LRBA: variants seen among roughly 807,000 people sequenced by gnomAD.
LRBA encodes the protein lipopolysaccharide-responsive and beige-like anchor protein.
In LRBA, 176 loss-of-function variants were observed where a neutral mutation model predicts 330.0. The observed-to-expected ratio is 0.53, with a 90% confidence interval of 0.47 to 0.60. The LOEUF (loss-of-function observed/expected upper bound fraction) is 0.60. Among genes scored for constraint, LRBA ranks in the 20% least tolerant of loss-of-function variants. The pLI is 0.00. For synonymous variants in LRBA, 1,230 were observed against 1,193.0 expected, an observed-to-expected ratio of 1.03 and a Z score of -0.64; for missense variants, 3,259 against 3,444.8, an observed-to-expected ratio of 0.95 and a Z score of 1.35.
intron 17 of LRBA, among the ~76,000 whole-genome samples, chr4:150,876,359 G>A (rs976059268): frequency 6.6e-6 from 1 of 152,044 alleles, no homozygotes; most frequent in African/African-American, 2.4e-5. Flanking sequence ...AAGAAATCTA[G>A]AGAACATCAC....
At chr4:150,956,993 A>G (rs1737612686) in intron 2 of LRBA, among the ~76,000 whole-genome samples, 1 of 148,942 alleles carries the variant, frequency 6.7e-6, no homozygotes, top group Non-Finnish European at 1.5e-5. Context: ...ACACTCACAC[A>G]TAAATATGTA....
At chr4:150,865,717 CTTT>C (rs779221199) in intron 22 of LRBA, among the ~76,000 whole-genome samples, 8 of 134,524 alleles carry the variant, frequency 5.9e-5, no homozygotes, top group Admixed American at 1.5e-4. Flanking sequence ...GCAATATATT[CTTT>C]TTTTTTTTTT....
At chr4:150,359,450 C>T (rs1738355782) in intron 47 of LRBA, among the ~76,000 whole-genome samples, 1 of 152,068 alleles carries the variant, frequency 6.6e-6, no homozygotes, top group East Asian at 1.9e-4. Context: ...ATTTAAGATA[C>T]AAGTTATTAC....
intron 34 of LRBA, among the ~76,000 whole-genome samples, chr4:150,765,798 A>G (rs1395404678): frequency 2.0e-5 from 3 of 152,128 alleles, no homozygotes; most frequent in African/African-American, 4.8e-5. Context: ...CATTATATAC[A>G]GAAACTTTTA....
At position 150,906,305 on chromosome 4, in the gene LRBA, G is replaced by A; in HGVS notation, c.1594C>T (p.Leu532Phe). ...CKGFLVIGYS[L>F]EKSSKSHVSR... is the part of the protein sequence containing the mutation. Reference sequence around the variant, plus strand: ...AATATTTCATACTTTACCTTTTCAAGGCTATATCCTATTACCAAGAAGCCC... The same window carrying A: ...AATATTTCATACTTTACCTTTTCAAAGCTATATCCTATTACCAAGAAGCCC... The change falls in exon 12 of 57, where the codon CTT (leucine) becomes TTT (phenylalanine). Residue 532 changes from leucine to phenylalanine, a missense_variant. Physicochemically the swap from Leu to Phe is conservative, Grantham distance 22 (BLOSUM62 0). Transcript: ENST00000651943. The A allele has an allele frequency of 6.3e-7, 1 of 1,579,956 alleles. No homozygotes were observed. Among genetic ancestry groups the A allele is most frequent in the Non-Finnish European group, 8.7e-7 (1 of 1,151,184 alleles).
At chr4:151,000,453 GCCAACA>G (rs1743204238) in intron 2 of LRBA, among the ~76,000 whole-genome samples, 4 of 152,130 alleles carry the variant, frequency 2.6e-5, no homozygotes, top group African/African-American at 9.6e-5. Context: ...CATCCAAATT[GCCAACA>G]TCACTACTCT....
rs565942342 is a variant in LRBA, at chr4:150,563,356, C to T, written c.6330+24692G>A. On this transcript the variant is annotated intron_variant, in intron 40 of 56. Coordinates refer to ENST00000651943, the MANE Select transcript of LRBA (RefSeq NM_001364905.1). ...GGCCTTCGATAAAATTCAAACATCC[C>T]TTCATGTTAAAAACTCTCAATAAAC... 5.3e-5 allele frequency among the ~76,000 whole-genome samples: 8 copies of T among 152,222 alleles called. No individual in the cohort carries two copies. The South Asian group carries it at 6.2e-4, about 12-fold the overall frequency.
chr4:150,951,354 G>A, intron 2 of LRBA, among the ~76,000 whole-genome samples: 1 of 150,684 alleles, frequency 6.6e-6, no homozygotes, highest in Non-Finnish European at 1.5e-5. Context: ...GTCTACGTTA[G>A]ACTCAACATC....
intron 2 of LRBA, among the ~76,000 whole-genome samples, chr4:151,009,395 A>G (rs1212077205): frequency 6.6e-6 from 1 of 151,860 alleles, no homozygotes; most frequent in Non-Finnish European, 1.5e-5. Flanking sequence ...CTAAAAATAC[A>G]ATAATTAGCT....
chr4:150,277,368 T>G (rs1013927991), intron 56 of LRBA, among the ~76,000 whole-genome samples: 1 of 152,102 alleles, frequency 6.6e-6, no homozygotes, highest in Non-Finnish European at 1.5e-5. Context: ...CATGTATACC[T>G]ATGTAACAAA....
At chr4:150,962,888 A>G (rs890242024) in intron 2 of LRBA, among the ~76,000 whole-genome samples, 1 of 147,096 alleles carries the variant, frequency 6.8e-6, no homozygotes, top group East Asian at 2.0e-4. Context: ...CAGGAAGCAG[A>G]GGTTGCAGTG....
chr4:150,443,853 A>T (rs1293298318), intron 44 of LRBA, among the ~76,000 whole-genome samples: 46 of 75,476 alleles, frequency 6.1e-4, no homozygotes, highest in African/African-American at 1.6e-3. Flanking sequence ...TAATTAAAAA[A>T]ATATATATAT....
At chr4:150,891,627 C>G (rs1729473621) in intron 17 of LRBA, among the ~76,000 whole-genome samples, 1 of 152,174 alleles carries the variant, frequency 6.6e-6, no homozygotes, top group South Asian at 2.1e-4. Flanking sequence ...GGTCTCCAGT[C>G]AGCCTGCCTA....
At chr4:150,559,648 TA>T (rs1420786682) in intron 40 of LRBA, among the ~76,000 whole-genome samples, 5,361 of 58,690 alleles carry the variant, frequency 0.091, 234 homozygotes, top group East Asian at 0.24. Flanking sequence ...TTATATAATA[TA>T]ATATATAATT....
chr4:150,528,704 A>G (rs1763747884), intron 40 of LRBA, among the ~76,000 whole-genome samples: 1 of 152,120 alleles, frequency 6.6e-6, no homozygotes. Flanking sequence ...TTTCAGCATC[A>G]TCGATTTTTT....
At chr4:150,518,534 G>A (rs1301266113) in intron 40 of LRBA, among the ~76,000 whole-genome samples, 2 of 152,018 alleles carry the variant, frequency 1.3e-5, no homozygotes, top group Admixed American at 6.6e-5. Context: ...AGCTCAACCT[G>A]CTTACCTTTT....
chr4:150,956,671 T>C (rs1268546591), intron 2 of LRBA, among the ~76,000 whole-genome samples: 1 of 149,102 alleles, frequency 6.7e-6, no homozygotes, highest in African/African-American at 2.6e-5. Flanking sequence ...TAAAAACAGT[T>C]ATACACTATG....
At chr4:150,939,872 A>C (rs1463369190) in intron 2 of LRBA, among the ~76,000 whole-genome samples, 3 of 152,186 alleles carry the variant, frequency 2.0e-5, no homozygotes, top group Non-Finnish European at 4.4e-5. Context: ...TATTGGGTAC[A>C]ATGTGCACTA....
chr4:150,531,451 A>G (rs553809785), intron 40 of LRBA, among the ~76,000 whole-genome samples: 1 of 152,270 alleles, frequency 6.6e-6, no homozygotes, highest in South Asian at 2.1e-4. Flanking sequence ...CTTTTATTGA[A>G]GAGACATTAT....
Sources: allele counts gnomAD v4.1 joint callset (sites outside exome capture counted in the v4.1 genomes callset), GRCh38; gene constraint gnomAD v4.1.1; transcripts MANE v1.5; gene names NCBI Gene and HGNC (gene_info 2026-07-23, HGNC 2026-07-21).